CKAP5: variants seen among roughly 807,000 people sequenced by gnomAD.
CKAP5 encodes cytoskeleton-associated protein 5.
In CKAP5, 27 loss-of-function variants were observed where a neutral mutation model predicts 232.8. That is an observed-to-expected ratio of 0.12 (90% CI 0.09 to 0.16). CKAP5 has a LOEUF of 0.16. CKAP5 is among the 10% of genes least tolerant of loss of function. The pLI is 1.00. For missense variants in CKAP5, 1,838 were observed against 2,424.7 expected (o/e 0.76, Z 5.08); for synonymous variants, 785 against 841.1 (o/e 0.93, Z 1.16).
intron 35 of CKAP5, 55 bp from the exon 36 acceptor site, chr11:46,755,122 G>A (rs776116203): frequency 8.2e-5 from 112 of 1,371,178 alleles, no homozygotes; most frequent in Middle Eastern, 7.5e-4. Context: ...CTAAAATAGC[G>A]GAAGACACTA....
At chr11:46,796,692 A>C in intron 12 of CKAP5, 120 bp downstream of exon 12, 1 of 1,110,452 alleles carries the variant, frequency 9.0e-7, no homozygotes, top group African/African-American at 1.6e-5. Flanking sequence ...ATGGCAATTT[A>C]AAAAAAATCA....
intron 25 of CKAP5, among the ~76,000 whole-genome samples, chr11:46,770,482 A>G (rs2065238347): frequency 6.6e-6 from 1 of 152,168 alleles, no homozygotes; most frequent in African/African-American, 2.4e-5. Context: ...CCCAGGCTGG[A>G]GTGCAGTGGC....
intron 42 of CKAP5, among the ~76,000 whole-genome samples, chr11:46,745,084 T>G (rs1257026959): frequency 6.6e-6 from 1 of 152,178 alleles, no homozygotes; most frequent in Non-Finnish European, 1.5e-5. Flanking sequence ...GGCATAGAAC[T>G]GGAGTGTCTG....
rs879548413 is a variant in CKAP5, at chr11:46,772,278, GTT to G, written c.2992-1298_2992-1297del. Reference sequence around the variant, plus strand: ...TAGCTTGTTTTATTATTTTCATGTGGTTTTTTTTGCAGAGTAAAAGTTTTTAA... The same window carrying G: ...TAGCTTGTTTTATTATTTTCATGTGGTTTTTTGCAGAGTAAAAGTTTTTAA... On this transcript the variant is annotated intron_variant, in intron 24 of 43. Transcript: ENST00000529230. Among the ~76,000 whole-genome samples the G allele has an allele frequency of 2.0e-5, 3 of 151,166 alleles. No individual in the cohort carries two copies. The East Asian group carries it at 5.8e-4, about 29-fold the overall frequency.
intron 23 of CKAP5, among the ~76,000 whole-genome samples, chr11:46,777,124 T>G (rs2065298468): frequency 1.3e-5 from 2 of 152,310 alleles, no homozygotes; most frequent in South Asian, 4.1e-4. Flanking sequence ...ATTGTGTGCA[T>G]ACTATATGAG....
chr11:46,755,966 T>C (rs904065792), intron 35 of CKAP5, among the ~76,000 whole-genome samples: 4 of 152,114 alleles, frequency 2.6e-5, no homozygotes, highest in Admixed American at 2.6e-4. Context: ...AAATGTTCAA[T>C]TTATTAAAAA....
intron 11 of CKAP5, 29 bp from the exon 12 acceptor site, chr11:46,796,969 T>C (rs1938891070): frequency 1.2e-6 from 2 of 1,611,558 alleles, no homozygotes; most frequent in African/African-American, 1.3e-5. Context: ...CAAAATGATA[T>C]TAATGCAAGG....
intron 31 of CKAP5, 49 bp from the exon 32 acceptor site, chr11:46,762,242 A>G (rs2065161569): frequency 1.3e-6 from 2 of 1,563,380 alleles, no homozygotes; most frequent in African/African-American, 2.7e-5. Context: ...TATTTGGGAC[A>G]GAGACTTATC....
chr11:46,816,698 C>T (rs1939409955), intron 3 of CKAP5, among the ~76,000 whole-genome samples: 1 of 151,928 alleles, frequency 6.6e-6, no homozygotes, highest in East Asian at 1.9e-4. Flanking sequence ...TTTTGATATC[C>T]CTCCTTCCAG....
chr11:46,842,701 C>T (rs1940083964), intron 1 of CKAP5, among the ~76,000 whole-genome samples: 1 of 152,180 alleles, frequency 6.6e-6, no homozygotes, highest in Admixed American at 6.5e-5. Flanking sequence ...GGCGCGGTGG[C>T]TCACGCCTGT....
Position 46,809,713 on chromosome 11 carries a change from G to A in CKAP5, c.763+29C>T. Reference sequence around the variant, plus strand: ...GCAGTGCCAGTTCTTGCTAATTTTTGCAGAAACCGGTGTTTAAAATTGGCT... The same window carrying A: ...GCAGTGCCAGTTCTTGCTAATTTTTACAGAAACCGGTGTTTAAAATTGGCT... On this transcript the variant is annotated intron_variant, in intron 6 of 43. Coordinates refer to ENST00000529230, the MANE Select transcript of CKAP5 (RefSeq NM_001008938.4). 4 of 1,612,390 alleles carry A rather than the reference G, an allele frequency of 2.5e-6. No homozygotes were observed. The East Asian group carries it at 8.9e-5, about 36-fold the overall frequency.
At chr11:46,795,332 A>T (rs1938843797) in intron 13 of CKAP5, among the ~76,000 whole-genome samples, 1 of 152,046 alleles carries the variant, frequency 6.6e-6, no homozygotes, top group African/African-American at 2.4e-5. Context: ...CATCTCAAAA[A>T]AAAAAAAAGT....
Position 46,755,022 on chromosome 11 carries a change from C to T in CKAP5, c.4735G>A (p.Gly1579Ser), listed in dbSNP as rs746453148. Residue 1579 changes from glycine (G) to serine (S), a missense_variant, in exon 36 of 44, where the codon GGC (glycine) becomes AGC (serine). Physicochemically the swap from Gly to Ser is moderately conservative, Grantham distance 56 (BLOSUM62 0). Transcript: ENST00000529230. ...RQEDKAEAMS[G>S]HIDQFLIATF... ...GCTATCAGAAACTGATCAATATGGCCGGACATGGCTTCAGCTTTGTCTTCC... is the reference window on the plus strand; with the variant it reads ...GCTATCAGAAACTGATCAATATGGCTGGACATGGCTTCAGCTTTGTCTTCC... 59 of 1,613,176 alleles carry T rather than the reference C, an allele frequency of 3.7e-5. No homozygotes were observed. Among genetic ancestry groups the T allele is most frequent in the African/African-American group, 6.7e-5 (5 of 74,870 alleles).
chr11:46,752,099 C>T (rs369279381), intron 38 of CKAP5, among the ~76,000 whole-genome samples: 92 of 146,148 alleles, frequency 6.3e-4, no homozygotes, highest in African/African-American at 1.9e-3. Flanking sequence ...TTTGAGGCCA[C>T]GAACTGTTTA....
intron 13 of CKAP5, among the ~76,000 whole-genome samples, chr11:46,792,102 C>T (rs145648071): frequency 2.1e-4 from 32 of 152,256 alleles, no homozygotes; most frequent in African/African-American, 7.5e-4. Flanking sequence ...CATTCTAACC[C>T]TAAAAATGGA....
At chr11:46,842,961 C>T (rs1395892621) in intron 1 of CKAP5, among the ~76,000 whole-genome samples, 9 of 110,048 alleles carry the variant, frequency 8.2e-5, no homozygotes, top group Non-Finnish European at 1.1e-4. Context: ...AGCAAGACTC[C>T]GTCTCAAAAA....
At chr11:46,806,299 GA>G (rs1457981709) in intron 8 of CKAP5, among the ~76,000 whole-genome samples, 2 of 152,142 alleles carry the variant, frequency 1.3e-5, no homozygotes, top group African/African-American at 4.8e-5. Context: ...AATATCCTTA[GA>G]AAATACATGT....
intron 22 of CKAP5, among the ~76,000 whole-genome samples, 170 bp downstream of exon 22, chr11:46,777,969 C>A (rs1225140593): frequency 6.6e-6 from 1 of 152,142 alleles, no homozygotes; most frequent in Admixed American, 6.6e-5. Flanking sequence ...AATAAATCTG[C>A]CAACTACCAT....
intron 1 of CKAP5, among the ~76,000 whole-genome samples, chr11:46,822,741 C>CA (rs57170422): frequency 2.2e-3 from 168 of 77,826 alleles, no homozygotes; most frequent in East Asian, 9.8e-3. Flanking sequence ...GACTCCGTCC[C>CA]AAAAAAAAAA....
Sources: allele counts gnomAD v4.1 joint callset (sites outside exome capture counted in the v4.1 genomes callset), GRCh38; gene constraint gnomAD v4.1.1; transcripts MANE v1.5; gene names NCBI Gene and HGNC (gene_info 2026-07-23, HGNC 2026-07-21).